DCC: variants seen among roughly 807,000 people sequenced by gnomAD.
DCC encodes the protein DCC netrin 1 receptor.
Under a neutral mutation model 172.5 loss-of-function variants are expected in DCC, and 58 were observed. That is an observed-to-expected ratio of 0.34 (90% CI 0.27 to 0.42). The LOEUF (loss-of-function observed/expected upper bound fraction) is 0.42. Among genes scored for constraint, DCC ranks in the 10% least tolerant of loss-of-function variants. The pLI is 1.00. For missense variants in DCC, 1,740 were observed against 1,791.0 expected, an observed-to-expected ratio of 0.97 and a Z score of 0.51; for synonymous variants, 709 against 644.5, an observed-to-expected ratio of 1.10 and a Z score of -1.52.
intron 2 of DCC, among the ~76,000 whole-genome samples, chr18:52,809,684 T>C: frequency 6.6e-6 from 1 of 152,092 alleles, no homozygotes; most frequent in Admixed American, 6.5e-5. Context: ...GAGTAGAAGC[T>C]CAACTTGTGC....
chr18:52,437,373 T>C (rs979423250), intron 1 of DCC, among the ~76,000 whole-genome samples: 9 of 152,086 alleles, frequency 5.9e-5, no homozygotes, highest in African/African-American at 1.7e-4. Flanking sequence ...AATCCAAAGA[T>C]GGTCACAGCA....
intron 25 of DCC, 86 bp from the exon 26 acceptor site, chr18:53,486,711 G>A: frequency 1.3e-6 from 2 of 1,571,486 alleles, no homozygotes; most frequent in Non-Finnish European, 1.7e-6. Context: ...ATAGATTTGA[G>A]GATCTGAAAA....
intron 1 of DCC, among the ~76,000 whole-genome samples, chr18:52,712,367 C>T (rs1332887813): frequency 1.3e-5 from 2 of 152,146 alleles, no homozygotes; most frequent in African/African-American, 4.8e-5. Flanking sequence ...TTGACTTTTA[C>T]TTGTAATCGT....
intron 12 of DCC, among the ~76,000 whole-genome samples, chr18:53,250,456 A>G (rs761417284): frequency 6.6e-6 from 1 of 151,788 alleles, no homozygotes; most frequent in Non-Finnish European, 1.5e-5. Flanking sequence ...GTCTCTAAGG[A>G]ATCTGACTTT....
chr18:53,252,570 T>A (rs1313185433), intron 12 of DCC, among the ~76,000 whole-genome samples: 2 of 151,922 alleles, frequency 1.3e-5, no homozygotes, highest in African/African-American at 2.4e-5. Context: ...CCATGAGAAA[T>A]AATGAAATTG....
At chr18:52,748,184 C>A (rs528084390) in intron 1 of DCC, among the ~76,000 whole-genome samples, 1 of 152,164 alleles carries the variant, frequency 6.6e-6, no homozygotes, top group African/African-American at 2.4e-5. Flanking sequence ...CTTTAGGTGC[C>A]GGCACAGGCG....
chr18:52,759,920 G>A (rs894849856), intron 2 of DCC, among the ~76,000 whole-genome samples: 1 of 152,178 alleles, frequency 6.6e-6, no homozygotes, highest in Non-Finnish European at 1.5e-5. Context: ...TCTTATCAGA[G>A]AAGTGGAGAA....
Position 52,906,044 on chromosome 18 carries a change from G to A in DCC, c.413G>A (p.Gly138Glu), listed in dbSNP as rs2039876709. 6 of 1,597,782 alleles carry A rather than the reference G, an allele frequency of 3.8e-6. No homozygotes were observed. The highest frequency in any genetic ancestry group is 2.2e-5 in the East Asian group (1 of 44,764). Reference sequence around the variant, plus strand: ...TCTTCCTTCTTTGTTTTTCTCCTAGGACCACTGAGGTTCCTTTCACAGACA... The same window carrying A: ...TCTTCCTTCTTTGTTTTTCTCCTAGAACCACTGAGGTTCCTTTCACAGACA... ...ISRTAKVAVA[G>E]PLRFLSQTES... The change falls in exon 3 of 29, where the codon GGA becomes GAA. Residue 138 changes from glycine to glutamate, a missense_variant and splice_region_variant. Transcript: ENST00000442544.
intron 1 of DCC, among the ~76,000 whole-genome samples, chr18:52,601,147 G>A (rs1228206963): frequency 6.6e-6 from 1 of 152,072 alleles, no homozygotes; most frequent in East Asian, 1.9e-4. Flanking sequence ...ACATCTGGCT[G>A]TATTAATTCA....
chr18:53,264,499 A>G (rs1486012192), intron 12 of DCC, among the ~76,000 whole-genome samples: 2 of 151,198 alleles, frequency 1.3e-5, no homozygotes, highest in African/African-American at 2.4e-5. Context: ...AAAAAAAAGA[A>G]GAAGAAGAAG....
At chr18:52,420,609 C>A (rs1387379946) in intron 1 of DCC, among the ~76,000 whole-genome samples, 1 of 152,110 alleles carries the variant, frequency 6.6e-6, no homozygotes, top group East Asian at 1.9e-4. Context: ...ATGACCCAGA[C>A]AAGGCCAGAA....
At chr18:53,472,040 G>T (rs185099337) in intron 25 of DCC, among the ~76,000 whole-genome samples, 24 of 152,242 alleles carry the variant, frequency 1.6e-4, no homozygotes, top group Middle Eastern at 6.8e-3. Flanking sequence ...TTAGTCAAAT[G>T]AAAGAATTAA....
intron 2 of DCC, among the ~76,000 whole-genome samples, chr18:52,793,690 G>A (rs1379106959): frequency 6.6e-6 from 1 of 152,102 alleles, no homozygotes; most frequent in Non-Finnish European, 1.5e-5. Context: ...GTATTATAAA[G>A]TCTTGGCCAT....
At chr18:53,065,731 G>C (rs1210886943) in intron 6 of DCC, among the ~76,000 whole-genome samples, 1 of 151,932 alleles carries the variant, frequency 6.6e-6, no homozygotes, top group Non-Finnish European at 1.5e-5. Context: ...GGTAATCTTT[G>C]TTGCTTCTAT....
chr18:53,379,008 T>A (rs1208202263), intron 15 of DCC, among the ~76,000 whole-genome samples: 1 of 152,262 alleles, frequency 6.6e-6, no homozygotes. Flanking sequence ...CAAATATGTG[T>A]TGCTCATCCT....
intron 1 of DCC, among the ~76,000 whole-genome samples, chr18:52,366,043 C>G (rs986621627): frequency 6.6e-6 from 1 of 152,086 alleles, no homozygotes; most frequent in Non-Finnish European, 1.5e-5. Flanking sequence ...CTATATATTA[C>G]TTGAATTTTA....
intron 25 of DCC, among the ~76,000 whole-genome samples, chr18:53,481,316 C>T (rs1247151155): frequency 1.3e-5 from 2 of 152,088 alleles, no homozygotes; most frequent in East Asian, 1.9e-4. Context: ...AACTAGGTAA[C>T]GAATCCAGGC....
intron 1 of DCC, among the ~76,000 whole-genome samples, chr18:52,455,728 G>GGTT (rs1486860552): frequency 6.6e-6 from 1 of 152,058 alleles, no homozygotes; most frequent in Non-Finnish European, 1.5e-5. Context: ...TGTAAAATGG[G>GGTT]GTTATTATTA....
chr18:53,445,055 T>G (rs939265636), intron 22 of DCC, among the ~76,000 whole-genome samples: 1 of 152,206 alleles, frequency 6.6e-6, no homozygotes, highest in African/African-American at 2.4e-5. Flanking sequence ...ATCCAAATTT[T>G]TTTAAAATAA....
Sources: allele counts gnomAD v4.1 joint callset (sites outside exome capture counted in the v4.1 genomes callset), GRCh38; gene constraint gnomAD v4.1.1; transcripts MANE v1.5; gene names NCBI Gene and HGNC (gene_info 2026-07-23, HGNC 2026-07-21).